The following FLT1 variants were observed in gnomAD, a reference collection of about 807,000 sequenced individuals.
FLT1 encodes vascular endothelial growth factor receptor 1.
Under a neutral mutation model 156.3 loss-of-function variants are expected in FLT1, and 49 were observed. The observed-to-expected ratio is 0.31, with a 90% CI of 0.25 to 0.40. The LOEUF is 0.40. FLT1 is among the 10% of genes least tolerant of loss of function. The probability of loss-of-function intolerance (pLI) is 1.00; values close to 1 mark genes in which losing one functional copy is unlikely to be tolerated. For missense variants in FLT1, 1,322 were observed against 1,637.2 expected (o/e 0.81, Z 3.32); for synonymous variants, 594 against 583.8 (o/e 1.02, Z -0.25).
At chr13:28,381,844 C>T (rs1047805072) in intron 14 of FLT1, among the ~76,000 whole-genome samples, 2 of 152,256 alleles carry the variant, frequency 1.3e-5, no homozygotes, top group Non-Finnish European at 2.9e-5. Flanking sequence ...CATGCCAAAT[C>T]GAGGCTTTTG....
chr13:28,382,878 A>C (rs1166201290), intron 14 of FLT1, among the ~76,000 whole-genome samples: 1 of 152,152 alleles, frequency 6.6e-6, no homozygotes, highest in African/African-American at 2.4e-5. Context: ...AGGTCTCTCT[A>C]AGACATTTGC....
rs1369651619 is a variant in FLT1, at chr13:28,307,985, G to T, written c.3720+858C>A. ...GACTGGGTTTCACCATGTTAGCCAG[G>T]ATGGTCTCAATCTCCTGACCTCGTG... On this transcript the variant is annotated intron_variant, in intron 28 of 29. Transcript: ENST00000282397. Among the ~76,000 whole-genome samples the T allele has an allele frequency of 2.0e-5, 3 of 152,186 alleles. No homozygotes were observed. The South Asian group carries it at 6.2e-4, about 32-fold the overall frequency.
At chr13:28,446,320 G>A (rs1878616872) in intron 3 of FLT1, among the ~76,000 whole-genome samples, 1 of 152,116 alleles carries the variant, frequency 6.6e-6, no homozygotes, top group Non-Finnish European at 1.5e-5. Flanking sequence ...AATTGGGCAA[G>A]AAAAATAAAT....
intron 14 of FLT1, among the ~76,000 whole-genome samples, chr13:28,370,812 G>GC (rs1873524733): frequency 6.6e-6 from 1 of 152,152 alleles, no homozygotes; most frequent in Non-Finnish European, 1.5e-5. Context: ...GTTCAGATTG[G>GC]CCATAGCCTA....
intron 11 of FLT1, among the ~76,000 whole-genome samples, chr13:28,400,417 A>G (rs894906038): frequency 6.6e-6 from 1 of 152,254 alleles, no homozygotes; most frequent in Non-Finnish European, 1.5e-5. Flanking sequence ...ATTAAAATTT[A>G]TCTCATTTCT....
At chr13:28,461,705 G>C (rs1304838025) in intron 3 of FLT1, among the ~76,000 whole-genome samples, 3 of 146,688 alleles carry the variant, frequency 2.0e-5, no homozygotes, top group Non-Finnish European at 3.0e-5. Context: ...TAGCCAGGTA[G>C]AGCCTTTTTT....
intron 15 of FLT1, among the ~76,000 whole-genome samples, chr13:28,349,412 T>C (rs907293517): frequency 1.3e-5 from 2 of 149,598 alleles, no homozygotes; most frequent in African/African-American, 4.9e-5. Flanking sequence ...TGAGGTTTAA[T>C]GCGGCCTTGC....
At chr13:28,486,449 G>A (rs1244171677) in intron 1 of FLT1, among the ~76,000 whole-genome samples, 1 of 152,260 alleles carries the variant, frequency 6.6e-6, no homozygotes, top group Non-Finnish European at 1.5e-5. Context: ...CGGATGGAGA[G>A]GAAATTTTGC....
intron 3 of FLT1, among the ~76,000 whole-genome samples, chr13:28,449,728 G>T (rs75616115): frequency 8.7e-4 from 133 of 152,346 alleles, no homozygotes; most frequent in Admixed American, 7.3e-3. Flanking sequence ...TATTTGTGTG[G>T]TAAAAAATAA....
chr13:28,428,090 T>A (rs1478254953), intron 8 of FLT1, among the ~76,000 whole-genome samples, 169 bp from the exon 9 acceptor site: 1 of 152,204 alleles, frequency 6.6e-6, no homozygotes, highest in Non-Finnish European at 1.5e-5. Flanking sequence ...GCAGATATGA[T>A]TTTTAGACTG....
intron 1 of FLT1, among the ~76,000 whole-genome samples, chr13:28,482,307 G>A (rs979399612): frequency 1.3e-5 from 2 of 151,994 alleles, no homozygotes; most frequent in East Asian, 1.9e-4. Flanking sequence ...GCGTGGCGGT[G>A]CATGCCTGTA....
In FLT1 at chr13:28,427,901, G is replaced by A. The variant is rs757020625; in HGVS notation, c.1127C>T (p.Ala376Val). 12 of 1,613,806 alleles carry A rather than the reference G, an allele frequency of 7.4e-6. No homozygotes were observed. The highest frequency in any genetic ancestry group is 6.7e-5 in the East Asian group (3 of 44,878). ...EVVWLKDGLPATEKSARYLTR... is the reference protein window; with the variant it reads ...EVVWLKDGLPVTEKSARYLTR... ...CAAATAGCGAGCAGATTTCTCAGTC[G>A]CAGGTAACCCATCTTTTAACCTGTG... is the stretch of plus-strand genomic sequence containing the variant. Residue 376 changes from alanine to valine, a missense_variant, in exon 9 of 30, where the codon GCG becomes GTG. By Grantham distance (64) the Ala-to-Val change is moderately conservative. Around this residue, in one of 3 missense-constraint regions of FLT1, gnomAD observed 991 missense variants for 1,254.8 expected, o/e 0.79. Transcript: ENST00000282397.
At chr13:28,349,490 A>G (rs906427299) in intron 15 of FLT1, among the ~76,000 whole-genome samples, 3 of 152,040 alleles carry the variant, frequency 2.0e-5, no homozygotes, top group Non-Finnish European at 4.4e-5. Context: ...ACACACGCAC[A>G]CATTCTTGCT....
chr13:28,432,831 T>C (rs529704888), intron 6 of FLT1, among the ~76,000 whole-genome samples: 2 of 152,244 alleles, frequency 1.3e-5, no homozygotes, highest in Non-Finnish European at 2.9e-5. Flanking sequence ...CGGAGAATAT[T>C]TGATTTCTAT....
At chr13:28,314,292 C>T (rs547414036) in intron 25 of FLT1, among the ~76,000 whole-genome samples, 14 of 152,302 alleles carry the variant, frequency 9.2e-5, no homozygotes, top group African/African-American at 3.4e-4. Flanking sequence ...GAACCATCTA[C>T]AACCACTTGC....
Position 28,484,976 on chromosome 13 carries a change from A to G in FLT1, c.64+9804T>C, listed in dbSNP as rs934092848. 5.9e-5 allele frequency among the ~76,000 whole-genome samples: 9 copies of G among 151,890 alleles called. No homozygotes were observed. The South Asian group carries it at 6.3e-4, about 11-fold the overall frequency. ...GGGATAGCATTAGGAGATATACCTA[A>G]TGTTAAATGACGAGTTACTGGGTGC... On this transcript the variant is annotated intron_variant, in intron 1 of 29. Transcript: ENST00000282397.
At chr13:28,471,190 G>T (rs1429091410) in intron 1 of FLT1, among the ~76,000 whole-genome samples, 2 of 152,102 alleles carry the variant, frequency 1.3e-5, no homozygotes. Flanking sequence ...CCTGGAATGA[G>T]GAAGCTAGAT....
rs536835942 is a variant in FLT1 at position 28,326,805 on chromosome 13, G to A, written c.2796+657C>T. ...CCCCCAAAGTTCTGGGATTACAGGCGTAAGCCACCGTGCCTGGCCCAATAA... is the reference window on the plus strand; with the variant it reads ...CCCCCAAAGTTCTGGGATTACAGGCATAAGCCACCGTGCCTGGCCCAATAA... On this transcript the variant is annotated intron_variant, in intron 20 of 29. Coordinates refer to ENST00000282397, the MANE Select transcript of FLT1 (RefSeq NM_002019.4). Among the ~76,000 whole-genome samples, 17 of 152,288 alleles carry A rather than the reference G, an allele frequency of 1.1e-4. No individual in the cohort carries two copies. The East Asian group carries it at 1.4e-3, about 12-fold the overall frequency.
chr13:28,322,261 C>A lies in FLT1; in HGVS notation c.3051+1G>T. 6.3e-7 allele frequency: 1 copy of A among 1,587,158 alleles called. No individual in the cohort carries two copies. ...GAAAAACAGTAAACAGCAAGACTGA[C>A]CTTTCTGGAAGACAGGAACTCCATG... On this transcript the variant is annotated splice_donor_variant, in intron 22 of 29. Coordinates refer to ENST00000282397, the MANE Select transcript of FLT1 (RefSeq NM_002019.4). LOFTEE classifies it high-confidence loss of function. The surrounding 1 kb of genome is among the most constrained non-coding windows in gnomAD (Gnocchi z 4.3).
Sources: allele counts gnomAD v4.1 joint callset (sites outside exome capture counted in the v4.1 genomes callset), GRCh38; gene constraint gnomAD v4.1.1; regional missense constraint gnomAD v4.1.1; non-coding constraint Gnocchi (gnomAD v3.1); transcripts MANE v1.5; gene names NCBI Gene and HGNC (gene_info 2026-07-23, HGNC 2026-07-21).